CREB5: variants seen among roughly 807,000 people sequenced by gnomAD.
CREB5 encodes the protein cAMP responsive element binding protein 5.
Under a neutral mutation model 57.1 loss-of-function variants are expected in CREB5, and 19 were observed. The ratio of observed to expected loss-of-function variants is 0.33; its 90% confidence interval spans 0.23 to 0.49. The LOEUF (loss-of-function observed/expected upper bound fraction) is 0.49. CREB5 is among the 20% of genes least tolerant of loss of function. The pLI, the probability that CREB5 is intolerant of heterozygous loss-of-function variation, is 0.99. For missense variants in CREB5, 579 were observed against 671.6 expected (o/e 0.86, Z 1.52); for synonymous variants, 238 against 238.3 (o/e 1.00, Z 0.01).
At chr7:28,773,859 G>T (rs1806474437) in intron 7 of CREB5, among the ~76,000 whole-genome samples, 1 of 152,172 alleles carries the variant, frequency 6.6e-6, no homozygotes, top group Non-Finnish European at 1.5e-5. Context: ...GCCAGTAAGA[G>T]CCTTAGTCAC....
intron 5 of CREB5, among the ~76,000 whole-genome samples, chr7:28,697,300 G>T (rs1034089155): frequency 1.3e-5 from 2 of 152,168 alleles, no homozygotes; most frequent in Non-Finnish European, 2.9e-5. Flanking sequence ...GCTGGGCAAG[G>T]ATCAGGGGAC....
chr7:28,811,542 T>C (rs1344851541), intron 9 of CREB5, among the ~76,000 whole-genome samples: 5 of 151,972 alleles, frequency 3.3e-5, no homozygotes, highest in Admixed American at 6.6e-5. Flanking sequence ...GCCTGGCTAA[T>C]TTTTTTTCTC....
intron 5 of CREB5, among the ~76,000 whole-genome samples, chr7:28,585,020 A>G (rs1562812830): frequency 6.6e-6 from 1 of 152,202 alleles, no homozygotes; most frequent in African/African-American, 2.4e-5. Context: ...ACTATCTTCT[A>G]TGAAAGATCT....
intron 8 of CREB5, among the ~76,000 whole-genome samples, chr7:28,806,530 C>T (rs2128802407): frequency 6.6e-6 from 1 of 152,264 alleles, no homozygotes; most frequent in Admixed American, 6.5e-5. Flanking sequence ...TCAAAATTTT[C>T]AGAGCATCTA....
At chr7:28,733,408 C>T (rs1478755188) in intron 7 of CREB5, among the ~76,000 whole-genome samples, 1 of 152,176 alleles carries the variant, frequency 6.6e-6, no homozygotes, top group Non-Finnish European at 1.5e-5. Context: ...CTCTGCACAC[C>T]ATGATCTCGC....
intron 5 of CREB5, among the ~76,000 whole-genome samples, chr7:28,617,573 A>G (rs1390912945): frequency 6.6e-6 from 1 of 152,210 alleles, no homozygotes; most frequent in East Asian, 1.9e-4. Context: ...AATAACATCT[A>G]CAGTTCTCAC....
At chr7:28,651,886 C>T (rs1390926884) in intron 5 of CREB5, among the ~76,000 whole-genome samples, 1 of 152,180 alleles carries the variant, frequency 6.6e-6, no homozygotes, top group East Asian at 1.9e-4. Flanking sequence ...AGAGGAAGCA[C>T]CGCTAGGTAG....
chr7:28,607,370 C>G (rs1021729535), intron 5 of CREB5, among the ~76,000 whole-genome samples: 2 of 152,014 alleles, frequency 1.3e-5, no homozygotes, highest in Non-Finnish European at 2.9e-5. Flanking sequence ...CTTGAGTGGG[C>G]GTGAATGAGT....
intron 5 of CREB5, among the ~76,000 whole-genome samples, chr7:28,593,148 A>C (rs891671192): frequency 1.3e-5 from 2 of 152,134 alleles, no homozygotes; most frequent in Non-Finnish European, 2.9e-5. Context: ...TGATAACCAC[A>C]CTCACACATA....
At chr7:28,360,884 T>C (rs1410493927) in intron 1 of CREB5, among the ~76,000 whole-genome samples, 3 of 152,164 alleles carry the variant, frequency 2.0e-5, no homozygotes, top group Non-Finnish European at 4.4e-5. Context: ...TCAGTGATTC[T>C]CCACTGGGGG....
At chr7:28,801,374 T>G (rs1046724192) in intron 7 of CREB5, among the ~76,000 whole-genome samples, 1 of 152,226 alleles carries the variant, frequency 6.6e-6, no homozygotes, top group South Asian at 2.1e-4. Context: ...TCATGTCATT[T>G]TTTTAAAAAG....
At chr7:28,325,011 C>T (rs937749044) in intron 1 of CREB5, among the ~76,000 whole-genome samples, 2 of 152,194 alleles carry the variant, frequency 1.3e-5, no homozygotes, top group African/African-American at 4.8e-5. Context: ...CCCTAAACTG[C>T]CCACTTCTTT....
chr7:28,411,689 A>C (rs984238936), upstream of CREB5, among the ~76,000 whole-genome samples: 5 of 152,184 alleles, frequency 3.3e-5, no homozygotes, highest in African/African-American at 1.2e-4. Flanking sequence ...AAACTAAATA[A>C]AGAAAAGTTT....
intron 5 of CREB5, among the ~76,000 whole-genome samples, chr7:28,640,383 G>T (rs1404977293): frequency 2.6e-5 from 4 of 152,160 alleles, no homozygotes; most frequent in African/African-American, 9.7e-5. Context: ...TTGGTGAAAA[G>T]CTTACCAAAC....
At chr7:28,452,202 A>G (rs1789854611) in intron 1 of CREB5, among the ~76,000 whole-genome samples, 1 of 152,200 alleles carries the variant, frequency 6.6e-6, no homozygotes, top group African/African-American at 2.4e-5. Flanking sequence ...CACCAGCCCT[A>G]TCTGACTCAA....
intron 1 of CREB5, among the ~76,000 whole-genome samples, chr7:28,323,260 T>TC (rs1473112666): frequency 6.6e-6 from 1 of 152,196 alleles, no homozygotes; most frequent in East Asian, 1.9e-4. Flanking sequence ...TGCTGACTGT[T>TC]CTCACTTTAA....
intron 3 of CREB5, among the ~76,000 whole-genome samples, chr7:28,497,732 A>C (rs1217820666): frequency 6.6e-6 from 1 of 152,172 alleles, no homozygotes; most frequent in African/African-American, 2.4e-5. Flanking sequence ...CCTGAATTAT[A>C]ATAGGCTATT....
At chr7:28,746,401 T>C (rs1804681660) in intron 7 of CREB5, among the ~76,000 whole-genome samples, 1 of 152,192 alleles carries the variant, frequency 6.6e-6, no homozygotes, top group Non-Finnish European at 1.5e-5. Context: ...TCTAAGGCCT[T>C]GCTGCTCAAA....
At chr7:28,456,980 A>C (rs151167901) in intron 1 of CREB5, among the ~76,000 whole-genome samples, 1 of 152,348 alleles carries the variant, frequency 6.6e-6, no homozygotes, top group East Asian at 1.9e-4. Context: ...GAAGCCCAAG[A>C]ACATGGTGCT....
Sources: allele counts gnomAD v4.1 joint callset (sites outside exome capture counted in the v4.1 genomes callset), GRCh38; gene constraint gnomAD v4.1.1; transcripts MANE v1.5; gene names NCBI Gene and HGNC (gene_info 2026-07-23, HGNC 2026-07-21).